Variants in AGBL1 observed in about 807,000 individuals in gnomAD.
The protein encoded by AGBL1 is AGBL carboxypeptidase 1.
In AGBL1, 130 loss-of-function variants were observed where a neutral mutation model predicts 118.9. The observed-to-expected ratio is 1.09, with a 90% confidence interval of 0.95 to 1.26. The LOEUF (loss-of-function observed/expected upper bound fraction) is 1.26, where lower values mean the gene tolerates loss of function less well. AGBL1 is among the 50% of genes most tolerant of loss of function. The probability of loss-of-function intolerance (pLI) is 0.00; values close to 1 mark genes in which losing one functional copy is unlikely to be tolerated. For synonymous variants in AGBL1, 555 were observed against 478.9 expected (o/e 1.16, Z -2.08); for missense variants, 1,584 against 1,298.1 (o/e 1.22, Z -3.38).
chr15:86,457,934 G>C (rs1320274763), intron 18 of AGBL1, among the ~76,000 whole-genome samples: 1 of 152,172 alleles, frequency 6.6e-6, no homozygotes, highest in Non-Finnish European at 1.5e-5. Context: ...TCTTTCAACT[G>C]TCAGTGCTTT....
chr15:86,435,011 C>T (rs555943332), intron 18 of AGBL1, among the ~76,000 whole-genome samples: 25 of 152,198 alleles, frequency 1.6e-4, no homozygotes, highest in African/African-American at 4.8e-4. Flanking sequence ...TGAATATATA[C>T]GCTGAAAGAT....
intron 21 of AGBL1, among the ~76,000 whole-genome samples, chr15:86,597,026 G>A (rs1355663613): frequency 2.6e-5 from 4 of 152,106 alleles, no homozygotes; most frequent in African/African-American, 9.7e-5. Context: ...TAGACAGGTT[G>A]TTCTCATTTT....
chr15:86,322,036 T>C (rs1443816404), intron 17 of AGBL1, among the ~76,000 whole-genome samples: 1 of 151,590 alleles, frequency 6.6e-6, no homozygotes, highest in Non-Finnish European at 1.5e-5. Flanking sequence ...TACCCATCCT[T>C]TGATAATTGT....
At chr15:86,350,928 A>C (rs1418246616) in intron 17 of AGBL1, among the ~76,000 whole-genome samples, 1 of 152,216 alleles carries the variant, frequency 6.6e-6, no homozygotes, top group East Asian at 1.9e-4. Flanking sequence ...TTCAAAGAAA[A>C]AGTAAATTAA....
intron 18 of AGBL1, among the ~76,000 whole-genome samples, chr15:86,490,727 T>G (rs997125382): frequency 6.6e-6 from 1 of 152,114 alleles, no homozygotes; most frequent in Admixed American, 6.5e-5. Context: ...ATGATTAAAG[T>G]GAAGTCATGC....
At position 86,264,499 on chromosome 15, in the gene AGBL1, A is replaced by G. The variant is rs2079041633; in HGVS notation, c.1328A>G (p.Gln443Arg). 3.1e-6 allele frequency: 5 copies of G among 1,614,050 alleles called. No individual in the cohort carries two copies. The highest frequency in any genetic ancestry group is 4.2e-6 in the Non-Finnish European group (5 of 1,179,900). ...GGAGTGAACCTGTACCAAAATGTGC[A>G]ATCCAATAGTCTCAGGAGAGATTCT... ...NPGVNLYQNV[Q>R]SNSLRRDSSE... Residue 443 changes from glutamine to arginine, a missense_variant, in exon 11 of 23, where the codon CAA becomes CGA. Gln to Arg is a conservative substitution (Grantham distance 43, BLOSUM62 1). Transcript: ENST00000614907.
chr15:86,597,467 C>T (rs2084428183), intron 21 of AGBL1, among the ~76,000 whole-genome samples: 1 of 152,068 alleles, frequency 6.6e-6, no homozygotes, highest in Admixed American at 6.6e-5. Context: ...AGGGCTTTTC[C>T]TGCCCTTTCC....
rs1374091263 is a variant in AGBL1 at position 86,286,773 on chromosome 15, G to A, written c.2220+6990G>A. 5.5e-5 allele frequency among the ~76,000 whole-genome samples: 6 copies of A among 109,366 alleles called. No homozygotes were observed. The East Asian group carries it at 1.1e-3, about 21-fold the overall frequency. 71.7% of individuals were successfully genotyped at this position (109,366 alleles called of 152,430 possible). A position where few individuals can be genotyped will look rare whatever the true frequency, so the allele number is the denominator to read the frequency against. The stretch of plus-strand genomic sequence containing the variant: ...TAAAACTCCATCAATGCGCACTGTG[G>A]TCGTTTCCATATCTTGGCTCCTGTG... On this transcript the variant is annotated intron_variant, in intron 16 of 22. Coordinates refer to ENST00000614907, the MANE Select transcript of AGBL1 (RefSeq NM_001386094.1).
At chr15:86,571,119 A>T (rs2084000539) in intron 21 of AGBL1, among the ~76,000 whole-genome samples, 1 of 152,022 alleles carries the variant, frequency 6.6e-6, no homozygotes, top group Non-Finnish European at 1.5e-5. Context: ...GGCACTGGGG[A>T]ATATGGTGGC....
chr15:86,208,551 G>T (rs1244727273), intron 5 of AGBL1, among the ~76,000 whole-genome samples: 1 of 152,024 alleles, frequency 6.6e-6, no homozygotes, highest in African/African-American at 2.4e-5. Context: ...GTCTTGGGAG[G>T]GTGCATATGT....
chr15:86,974,595 ATAAT>A (rs2081153597), intron 23 of AGBL1, among the ~76,000 whole-genome samples: 1 of 140,840 alleles, frequency 7.1e-6, no homozygotes, highest in African/African-American at 2.7e-5. Context: ...AAAATTATAT[ATAAT>A]TATATAATAT....
intron 22 of AGBL1, among the ~76,000 whole-genome samples, chr15:86,697,706 T>G (rs947974574): frequency 6.6e-6 from 1 of 152,032 alleles, no homozygotes; most frequent in Non-Finnish European, 1.5e-5. Flanking sequence ...TCCTTTTCAT[T>G]TGGGTGGGCT....
chr15:86,444,942 T>G (rs1434811721), intron 18 of AGBL1, among the ~76,000 whole-genome samples: 1 of 152,204 alleles, frequency 6.6e-6, no homozygotes, highest in Non-Finnish European at 1.5e-5. Context: ...AACAAAAAAA[T>G]AAATTGAGAT....
intron 5 of AGBL1, among the ~76,000 whole-genome samples, chr15:86,166,187 A>T (rs2077339037): frequency 6.6e-6 from 1 of 152,200 alleles, no homozygotes; most frequent in South Asian, 2.1e-4. Flanking sequence ...GCATATTACA[A>T]AACAAACATG....
At chr15:86,546,528 C>T (rs1437648286) in intron 20 of AGBL1, among the ~76,000 whole-genome samples, 1 of 152,138 alleles carries the variant, frequency 6.6e-6, no homozygotes, top group Non-Finnish European at 1.5e-5. Context: ...AGTAAAAATA[C>T]TGCCTCTGTT....
intron 22 of AGBL1, among the ~76,000 whole-genome samples, chr15:86,878,388 A>C (rs2079844134): frequency 6.6e-6 from 1 of 152,204 alleles, no homozygotes; most frequent in African/African-American, 2.4e-5. Context: ...AAAAACAGGC[A>C]GTGGGCCAGA....
rs560034401 is a variant in AGBL1, at chr15:86,546,279, C to G, written c.2817+146C>G. ...TTATTCTAACCATAGGATTGTAATA[C>G]AAGCAGGCTGGAAGCATGTGTAACC... On this transcript the variant is annotated intron_variant, in intron 20 of 22. Transcript: ENST00000614907. The G allele has an allele frequency of 4.9e-6, 5 of 1,019,070 alleles. No homozygotes were observed. The East Asian group carries it at 1.4e-4, about 28-fold the overall frequency. The allele number at this position is 1,019,070 out of a possible 1,614,324, so 63.1% of individuals were successfully genotyped here.
chr15:86,420,059 C>T (rs1284745662), intron 18 of AGBL1, among the ~76,000 whole-genome samples: 1 of 152,134 alleles, frequency 6.6e-6, no homozygotes, highest in Non-Finnish European at 1.5e-5. Context: ...TAAAACATTC[C>T]TGCCTGCTGG....
intron 21 of AGBL1, among the ~76,000 whole-genome samples, chr15:86,667,770 C>A (rs546698040): frequency 2.6e-4 from 40 of 152,294 alleles, no homozygotes; most frequent in Admixed American, 1.4e-3. Flanking sequence ...GGAAGCATAT[C>A]ACTTTTCCCT....
Sources: allele counts gnomAD v4.1 joint callset (sites outside exome capture counted in the v4.1 genomes callset), GRCh38; gene constraint gnomAD v4.1.1; transcripts MANE v1.5; gene names NCBI Gene and HGNC (gene_info 2026-07-23, HGNC 2026-07-21).